PCDHA10: variants seen among roughly 807,000 people sequenced by gnomAD.
PCDHA10 encodes the protein protocadherin alpha 10, also known as protocadherin alpha-10.
PCDHA10 carries 45 observed loss-of-function variants against 61.2 expected under a neutral mutation model. The observed-to-expected ratio is 0.74, with a 90% CI of 0.58 to 0.94. The LOEUF is 0.94. Among genes scored for constraint, PCDHA10 ranks in the 40% least tolerant of loss-of-function variants. The pLI is 0.00. For synonymous variants in PCDHA10, 602 were observed against 548.8 expected (o/e 1.10, Z -1.35); for missense variants, 1,278 against 1,236.2 (o/e 1.03, Z -0.51).
At chr5:140,889,835 C>A (rs899287696) in intron 1 of PCDHA10, among the ~76,000 whole-genome samples, 10 of 152,080 alleles carry the variant, frequency 6.6e-5, no homozygotes, top group African/African-American at 2.2e-4. Context: ...TTACAGTATG[C>A]TTTGGTCTCT....
rs1181664726 is a variant in PCDHA10 at position 140,982,480 on chromosome 5, T to C, written c.2453T>C (p.Val818Ala). ...GGGTCTGTGTGTTTATTCAGCTCTG[T>C]GCACCTAGAGGAGGCTGGCATTCTA... ...ASLRAGMHSS[V>A]HLEEAGILRA... is the part of the protein sequence containing the mutation. The change falls in exon 3 of 4, where the codon GTG (valine) becomes GCG (alanine). Residue 818 changes from valine (V) to alanine (A), a missense_variant. Coordinates refer to ENST00000307360, the MANE Select transcript of PCDHA10 (RefSeq NM_018901.4). 5.0e-6 allele frequency: 8 copies of C among 1,614,216 alleles called. No individual in the cohort carries two copies. Among genetic ancestry groups the C allele is most frequent in the Non-Finnish European group, 6.8e-6 (8 of 1,180,038 alleles).
intron 1 of PCDHA10, chr5:140,877,890 T>C (rs1554170211): frequency 6.9e-7 from 1 of 1,458,078 alleles, no homozygotes; most frequent in Non-Finnish European, 9.0e-7. Flanking sequence ...AGAACTTCCG[T>C]TTAGGTTATA....
At chr5:140,969,293 C>A in intron 1 of PCDHA10, 1 of 1,614,186 alleles carries the variant, frequency 6.2e-7, no homozygotes, top group Non-Finnish European at 8.5e-7. Flanking sequence ...TGCTGGGAAC[C>A]TGATTATTCT....
chr5:140,913,036 A>G (rs2076178944), intron 1 of PCDHA10, among the ~76,000 whole-genome samples: 3 of 152,190 alleles, frequency 2.0e-5, no homozygotes, highest in African/African-American at 7.2e-5. Context: ...CATCAGATAT[A>G]TTGGCCTGGA....
At chr5:140,937,614 C>A (rs561420642) in intron 1 of PCDHA10, among the ~76,000 whole-genome samples, 1 of 149,010 alleles carries the variant, frequency 6.7e-6, no homozygotes, top group Non-Finnish European at 1.5e-5. Flanking sequence ...GATACTCCAT[C>A]TAAAAAGAAA....
chr5:140,969,190 T>C, intron 1 of PCDHA10: 2 of 1,614,072 alleles, frequency 1.2e-6, no homozygotes, highest in Non-Finnish European at 1.7e-6. Flanking sequence ...CTTTCATGTT[T>C]TACAATACAG....
At chr5:140,876,762 G>T in intron 1 of PCDHA10, 1 of 1,614,252 alleles carries the variant, frequency 6.2e-7, no homozygotes, top group South Asian at 1.1e-5. Flanking sequence ...CGCGGGATGG[G>T]GGCTCGCCTT....
In PCDHA10 at chr5:140,857,042, C is replaced by T. The variant is rs147770909; in HGVS notation, c.994C>T (p.His332Tyr). The T allele has an allele frequency of 1.1e-5, 18 of 1,595,436 alleles. 1 individual carries two copies. In the African/African-American group the frequency reaches 1.2e-4, roughly 11 times the overall value. ...TDKGNPPMVGHCTVLVELLDE... is the reference protein window; with the variant it reads ...TDKGNPPMVGYCTVLVELLDE... ...TAAGGGAAACCCACCTATGGTTGGTCACTGCACGGTCCTAGTGGAACTACT... is the reference window on the plus strand; with the variant it reads ...TAAGGGAAACCCACCTATGGTTGGTTACTGCACGGTCCTAGTGGAACTACT... The change falls in exon 1 of 4, where the codon CAC (histidine) becomes TAC (tyrosine). Residue 332 changes from histidine to tyrosine, a missense_variant. His to Tyr is a moderately conservative substitution (Grantham distance 83). Coordinates refer to ENST00000307360, the MANE Select transcript of PCDHA10 (RefSeq NM_018901.4).
At chr5:140,939,350 A>G (rs2153641006) in intron 1 of PCDHA10, among the ~76,000 whole-genome samples, 1 of 152,266 alleles carries the variant, frequency 6.6e-6, no homozygotes, top group East Asian at 1.9e-4. Context: ...ATTTCAACTT[A>G]TGATTGCAAA....
intron 1 of PCDHA10, among the ~76,000 whole-genome samples, chr5:140,975,701 T>A (rs2153808072): frequency 6.6e-6 from 1 of 152,358 alleles, no homozygotes; most frequent in East Asian, 1.9e-4. Flanking sequence ...AAACTTATTT[T>A]ACTTTAAATC....
intron 1 of PCDHA10, chr5:140,877,641 C>A: frequency 6.2e-7 from 1 of 1,613,592 alleles, no homozygotes; most frequent in Non-Finnish European, 8.5e-7. Flanking sequence ...CGCTGCGTTG[C>A]TCAGCGCCGC....
At chr5:140,883,074 C>T (rs1554176634) in intron 1 of PCDHA10, 2 of 1,614,042 alleles carry the variant, frequency 1.2e-6, no homozygotes, top group Admixed American at 3.3e-5. Context: ...GCCACAGATC[C>T]TGATGATGGT....
chr5:140,996,587 C>T (rs1260417239), intron 3 of PCDHA10, among the ~76,000 whole-genome samples: 4 of 151,994 alleles, frequency 2.6e-5, no homozygotes, highest in South Asian at 2.1e-4. Context: ...TAACAAGGGC[C>T]GCCTCCCCCC....
At chr5:140,886,631 G>T (rs1314948402) in intron 1 of PCDHA10, among the ~76,000 whole-genome samples, 1 of 151,860 alleles carries the variant, frequency 6.6e-6, no homozygotes. Context: ...TCCGAGACCA[G>T]CCTGGCCAAC....
intron 1 of PCDHA10, among the ~76,000 whole-genome samples, chr5:140,898,000 T>G (rs1420296585): frequency 6.6e-5 from 10 of 152,348 alleles, no homozygotes; most frequent in African/African-American, 2.4e-4. Flanking sequence ...TTGAGAAGTG[T>G]CTGTTCATAT....
intron 3 of PCDHA10, among the ~76,000 whole-genome samples, chr5:140,997,797 C>A (rs2097786104): frequency 6.6e-6 from 1 of 151,944 alleles, no homozygotes; most frequent in Non-Finnish European, 1.5e-5. Context: ...TATAATTTAT[C>A]CAATTTGCTG....
At position 140,856,354 on chromosome 5, in the gene PCDHA10, C is replaced by T. The variant is rs2043948019; in HGVS notation, c.306C>T (p.Ser102=). Residue 102 remains serine (S), a synonymous_variant, in exon 1 of 4, where the codon AGC becomes AGT. Coordinates refer to ENST00000307360, the MANE Select transcript of PCDHA10 (RefSeq NM_018901.4). ...EELCGRSVEC[S]IHLEVIVDRP... ...TGTGCGGGCGGAGCGTGGAGTGCAGCATCCACCTGGAGGTGATCGTGGACA... is the reference window on the plus strand; with the variant it reads ...TGTGCGGGCGGAGCGTGGAGTGCAGTATCCACCTGGAGGTGATCGTGGACA... The T allele has an allele frequency of 3.8e-6, 6 of 1,598,616 alleles. 1 individual carries two copies. Among genetic ancestry groups the T allele is most frequent in the African/African-American group, 2.7e-5 (2 of 74,434 alleles).
At chr5:140,884,722 T>C in intron 1 of PCDHA10, 2 of 1,460,382 alleles carry the variant, frequency 1.4e-6, no homozygotes, top group South Asian at 3.0e-5. Flanking sequence ...TGCAGTTGTT[T>C]GTTTAAGACA....
intron 3 of PCDHA10, among the ~76,000 whole-genome samples, chr5:141,003,650 A>G (rs2098132767): frequency 6.6e-6 from 1 of 152,170 alleles, no homozygotes; most frequent in Admixed American, 6.5e-5. Flanking sequence ...GAAGATCTGT[A>G]TGCATTTATT....
Sources: gnomAD v4.1 joint callset for allele counts (sites outside exome capture counted in the v4.1 genomes callset) on GRCh38, gnomAD v4.1.1 for gene constraint, MANE v1.5 for transcripts, NCBI Gene and HGNC (gene_info 2026-07-23, HGNC 2026-07-21) for gene names.